The following IGF2BP3 variants were observed in gnomAD, a reference collection of about 807,000 sequenced individuals.
IGF2BP3 encodes insulin like growth factor 2 mRNA binding protein 3, also known as insulin-like growth factor 2 mRNA-binding protein 3.
A neutral mutation model predicts 73.8 loss-of-function variants in IGF2BP3; 9 were observed. The observed-to-expected ratio is 0.12, with a 90% confidence interval of 0.07 to 0.21. The LOEUF (loss-of-function observed/expected upper bound fraction) is 0.21, where lower values mean the gene tolerates loss of function less well. Among genes scored for constraint, IGF2BP3 ranks in the 10% least tolerant of loss-of-function variants. The probability of loss-of-function intolerance (pLI) is 1.00; values close to 1 mark genes in which losing one functional copy is unlikely to be tolerated. For synonymous variants in IGF2BP3, 258 were observed against 256.7 expected (o/e 1.01, Z -0.05); for missense variants, 542 against 714.0 (o/e 0.76, Z 2.75).
intron 10 of IGF2BP3, among the ~76,000 whole-genome samples, chr7:23,340,025 T>C (rs995353300): frequency 1.3e-5 from 2 of 152,296 alleles, no homozygotes; most frequent in South Asian, 2.1e-4. Context: ...ACAATTCTTA[T>C]AGTTCAGGTT....
intron 3 of IGF2BP3, among the ~76,000 whole-genome samples, chr7:23,370,927 C>A (rs1162497373): frequency 2.6e-5 from 4 of 152,130 alleles, no homozygotes; most frequent in Non-Finnish European, 5.9e-5. Flanking sequence ...GATGTGCCCA[C>A]CTCGGCCTCC....
intron 5 of IGF2BP3, among the ~76,000 whole-genome samples, chr7:23,354,217 T>G (rs550975576): frequency 4.6e-5 from 7 of 152,318 alleles, no homozygotes; most frequent in Middle Eastern, 6.8e-3. Context: ...GGTCTTGAAC[T>G]CTTGACCTCA....
At chr7:23,353,195 G>A (rs1368791810) in intron 5 of IGF2BP3, among the ~76,000 whole-genome samples, 1 of 152,148 alleles carries the variant, frequency 6.6e-6, no homozygotes, top group Admixed American at 6.5e-5. Flanking sequence ...GCATAAAATG[G>A]TCTCTTTCTA....
intron 2 of IGF2BP3, chr7:23,468,075 C>A: frequency 4.3e-6 from 1 of 232,552 alleles, no homozygotes; most frequent in South Asian, 6.1e-5. Context: ...AAAGGAGGGA[C>A]CCCCGCGTGT....
intron 2 of IGF2BP3, among the ~76,000 whole-genome samples, chr7:23,427,993 G>A (rs750621066): frequency 2.6e-5 from 4 of 151,760 alleles, no homozygotes; most frequent in African/African-American, 7.3e-5. Context: ...GTGACAGGGC[G>A]AGACACCATC....
chr7:23,324,226 T>A lies in IGF2BP3; in HGVS notation c.1204-4972A>T, dbSNP rs1000246964. 2.0e-4 allele frequency among the ~76,000 whole-genome samples: 30 copies of A among 150,288 alleles called. 1 individual carries two copies. Among genetic ancestry groups the A allele is most frequent in the African/African-American group, 6.6e-4 (27 of 40,992 alleles). ...AGAATCAAATAGACACAATAAAAAA[T>A]GATAAAGGGGATATCACCACCGATC... is the stretch of plus-strand genomic sequence containing the variant. On this transcript the variant is annotated intron_variant, in intron 10 of 14. Transcript: ENST00000258729.
chr7:23,401,167 A>G (rs1055034680), intron 3 of IGF2BP3, among the ~76,000 whole-genome samples: 3 of 152,186 alleles, frequency 2.0e-5, no homozygotes, highest in Non-Finnish European at 4.4e-5. Context: ...TTCTGCTGAT[A>G]CAGAGTAACT....
chr7:23,443,210 C>T (rs1279763809), intron 2 of IGF2BP3, among the ~76,000 whole-genome samples: 1 of 148,208 alleles, frequency 6.7e-6, no homozygotes, highest in African/African-American at 2.5e-5. Flanking sequence ...ACTGTAAACT[C>T]CGCCTCCCAG....
chr7:23,327,932 G>A (rs1201993986), intron 10 of IGF2BP3, among the ~76,000 whole-genome samples: 3 of 152,218 alleles, frequency 2.0e-5, no homozygotes, highest in East Asian at 3.9e-4. Flanking sequence ...CACACAGGCC[G>A]TGCCACTCGC....
chr7:23,417,638 CATATT>C (rs2128534914), intron 3 of IGF2BP3, among the ~76,000 whole-genome samples: 1 of 152,150 alleles, frequency 6.6e-6, no homozygotes, highest in South Asian at 2.1e-4. Context: ...CAAAAAAAAT[CATATT>C]AAATTACATT....
intron 2 of IGF2BP3, among the ~76,000 whole-genome samples, chr7:23,419,815 G>A (rs191349021): frequency 2.6e-5 from 4 of 152,022 alleles, no homozygotes; most frequent in African/African-American, 9.7e-5. Context: ...ATTGCATCAC[G>A]GCACTGCAGC....
rs561691753 is a variant in IGF2BP3 at position 23,365,445 on chromosome 7, C to T, written c.286-3704G>A. Reference sequence around the variant, plus strand: ...AACACCTGTGATCTATAAACAATACCGACTAAACCTACAATAATGTCAAGG... The same window carrying T: ...AACACCTGTGATCTATAAACAATACTGACTAAACCTACAATAATGTCAAGG... On this transcript the variant is annotated intron_variant, in intron 3 of 14. Coordinates refer to ENST00000258729, the MANE Select transcript of IGF2BP3 (RefSeq NM_006547.3). Among the ~76,000 whole-genome samples the T allele has an allele frequency of 3.3e-5, 5 of 152,132 alleles. No individual in the cohort carries two copies. In the South Asian group the frequency reaches 6.2e-4, roughly 19 times the overall value.
intron 10 of IGF2BP3, among the ~76,000 whole-genome samples, chr7:23,325,852 T>G (rs1392023083): frequency 1.3e-5 from 2 of 152,144 alleles, no homozygotes; most frequent in East Asian, 3.8e-4. Context: ...TAATAAATGG[T>G]GCTGGGAAAA....
chr7:23,320,811 G>A (rs1326904654), intron 10 of IGF2BP3, among the ~76,000 whole-genome samples: 1 of 151,690 alleles, frequency 6.6e-6, no homozygotes, highest in African/African-American at 2.4e-5. Context: ...AGCCAGGCAT[G>A]GTAGCGCTTG....
At position 23,323,833 on chromosome 7, in the gene IGF2BP3, C is replaced by T. The variant is rs550732841; in HGVS notation, c.1204-4579G>A. 4.6e-5 allele frequency among the ~76,000 whole-genome samples: 7 copies of T among 151,926 alleles called. No individual in the cohort carries two copies. In the East Asian group the frequency reaches 5.8e-4, roughly 13 times the overall value. The stretch of plus-strand genomic sequence containing the variant: ...TCCTGAATGACTACTGGGTACATAA[C>T]GAAATTAAGGCAGAAATAAAGATGT... On this transcript the variant is annotated intron_variant, in intron 10 of 14. Transcript: ENST00000258729.
chr7:23,383,785 T>C (rs1217320243), intron 3 of IGF2BP3, among the ~76,000 whole-genome samples: 2 of 152,062 alleles, frequency 1.3e-5, no homozygotes, highest in African/African-American at 4.8e-5. Context: ...CAGTGGAGTA[T>C]TACTCAGCAA....
At chr7:23,450,507 A>G (rs1465837752) in intron 2 of IGF2BP3, among the ~76,000 whole-genome samples, 1 of 152,166 alleles carries the variant, frequency 6.6e-6, no homozygotes, top group Non-Finnish European at 1.5e-5. Context: ...TCTATTACCA[A>G]TGAGCTTTGA....
intron 3 of IGF2BP3, among the ~76,000 whole-genome samples, chr7:23,411,932 C>T (rs928117780): frequency 3.0e-4 from 46 of 150,924 alleles, no homozygotes; most frequent in African/African-American, 1.0e-3. Flanking sequence ...GATAACATGG[C>T]ATCACTACTT....
At chr7:23,391,150 A>T (rs1344351356) in intron 3 of IGF2BP3, among the ~76,000 whole-genome samples, 6 of 139,874 alleles carry the variant, frequency 4.3e-5, no homozygotes, top group Non-Finnish European at 7.6e-5. Flanking sequence ...CCCAGGCTAG[A>T]GTGCAGTGGC....
Sources: allele counts gnomAD v4.1 joint callset (sites outside exome capture counted in the v4.1 genomes callset), GRCh38; gene constraint gnomAD v4.1.1; transcripts MANE v1.5; gene names NCBI Gene and HGNC (gene_info 2026-07-23, HGNC 2026-07-21).